The following TTC23 variants were observed in gnomAD, a reference collection of about 807,000 sequenced individuals.
TTC23 encodes the protein tetratricopeptide repeat protein 23.
Under a neutral mutation model 55.1 loss-of-function variants are expected in TTC23, and 58 were observed. The ratio of observed to expected loss-of-function variants is 1.05; its 90% CI spans 0.85 to 1.31. The LOEUF is 1.31. Ranked by LOEUF, TTC23 falls within the 50% of genes most tolerant of loss-of-function variation. TTC23 has a pLI of 0.00. For synonymous variants in TTC23, 203 were observed against 199.9 expected (o/e 1.02, Z -0.13); for missense variants, 516 against 534.4 (o/e 0.97, Z 0.34).
intron 8 of TTC23, among the ~76,000 whole-genome samples, chr15:99,216,708 T>G (rs1232488659): frequency 1.3e-5 from 2 of 152,178 alleles, no homozygotes; most frequent in East Asian, 3.8e-4. Context: ...TTGGCAAAGA[T>G]TAACAAAGTC....
chr15:99,153,793 T>C (rs1555498042), intron 12 of TTC23, among the ~76,000 whole-genome samples: 1 of 152,078 alleles, frequency 6.6e-6, no homozygotes, highest in Non-Finnish European at 1.5e-5. Context: ...GAGAATAGGA[T>C]TTATGGGATT....
chr15:99,244,655 C>T (rs1350120094), intron 2 of TTC23, among the ~76,000 whole-genome samples: 1 of 152,066 alleles, frequency 6.6e-6, no homozygotes, highest in African/African-American at 2.4e-5. Flanking sequence ...AATACATGGA[C>T]ATTCCATGTT....
chr15:99,137,385 C>T lies in TTC23; in HGVS notation c.*625G>A, dbSNP rs556314298. The T allele has an allele frequency of 6.6e-6, 1 of 152,402 alleles. No homozygotes were observed. Among genetic ancestry groups the T allele is most frequent in the South Asian group, 2.1e-4 (1 of 4,830 alleles). The allele number at this position is 152,402 out of a possible 1,614,324, so 9.4% of individuals were successfully genotyped here. On this transcript the variant is annotated 3_prime_UTR_variant, in exon 14 of 14. Transcript: ENST00000394132. ...CCCCCGCAGCCTCCGGCTAGCCTTT[C>T]TTTTCACTCCCTTACACCTGCCTCC...
chr15:99,155,562 G>A (rs991584119), intron 12 of TTC23: 4 of 152,238 alleles, frequency 2.6e-5, no homozygotes, highest in Non-Finnish European at 5.9e-5. Flanking sequence ...TAAAATCTCT[G>A]TAATTAAAAC....
At chr15:99,199,880 G>A in intron 9 of TTC23, 39 bp downstream of exon 9, 2 of 1,572,486 alleles carry the variant, frequency 1.3e-6, no homozygotes, top group Non-Finnish European at 1.7e-6. Flanking sequence ...AAAGCATTGG[G>A]CCTAGAACAG....
intron 10 of TTC23, among the ~76,000 whole-genome samples, chr15:99,167,321 A>G (rs370633841): frequency 3.9e-5 from 6 of 152,262 alleles, no homozygotes; most frequent in East Asian, 3.9e-4. Context: ...ACCTTTGAAA[A>G]CCACTTCTAG....
At chr15:99,200,931 G>T (rs1338142967) in intron 8 of TTC23, among the ~76,000 whole-genome samples, 1 of 152,168 alleles carries the variant, frequency 6.6e-6, no homozygotes, top group Non-Finnish European at 1.5e-5. Flanking sequence ...TGACACAGAA[G>T]TTTACCCATT....
intron 8 of TTC23, among the ~76,000 whole-genome samples, chr15:99,211,977 G>A (rs2152027327): frequency 6.6e-6 from 1 of 152,308 alleles, no homozygotes; most frequent in African/African-American, 2.4e-5. Context: ...ACAGGCATGA[G>A]CCATCATGCC....
Position 99,183,244 on chromosome 15 carries a change from T to C in TTC23, c.760-8089A>G, listed in dbSNP as rs577218719. Among the ~76,000 whole-genome samples the C allele has an allele frequency of 1.2e-4, 18 of 152,302 alleles. No homozygotes were observed. The South Asian group carries it at 2.9e-3, about 25-fold the overall frequency. On this transcript the variant is annotated intron_variant, in intron 9 of 13. Transcript: ENST00000394132. Reference sequence around the variant, plus strand: ...CTTTAGCAAAGAGACTGGTGGCTTTTTGGCCCTACCCTAGATCTGTGGAAC... The same window carrying C: ...CTTTAGCAAAGAGACTGGTGGCTTTCTGGCCCTACCCTAGATCTGTGGAAC...
Position 99,218,909 on chromosome 15 carries a change from G to A in TTC23, c.444C>T (p.Leu148=), listed in dbSNP as rs770914819. Residue 148 remains leucine, a synonymous_variant, in exon 7 of 14, where the codon CTC becomes CTT. Coordinates refer to ENST00000394132, the MANE Select transcript of TTC23 (RefSeq NM_001288615.3). ...ELFHTMGRAL[L]SLQKFKEAAE... ...AGGCAAAAGGATACTTTTGAAGGGA[G>A]AGTAAAGCTCTGCCCATGGTATGGA... 1 of 1,613,646 alleles carries A rather than the reference G, an allele frequency of 6.2e-7. No homozygotes were observed. The highest frequency in any genetic ancestry group is 2.2e-5 in the East Asian group (1 of 44,872).
chr15:99,161,840 C>T lies in TTC23; in HGVS notation c.893G>A (p.Ser298Asn). 1 of 1,611,356 alleles carries T rather than the reference C, an allele frequency of 6.2e-7. No individual in the cohort carries two copies. The highest frequency in any genetic ancestry group is 1.1e-5 in the South Asian group (1 of 90,354). Residue 298 changes from serine to asparagine, a missense_variant, in exon 11 of 14, where the codon AGC (serine) becomes AAC (asparagine). Transcript: ENST00000394132. ...TTCAGAATCCTTAAGATGAGCCATGCTCTCTTGAAAATACTGCTCAGCTAC... is the reference window on the plus strand; with the variant it reads ...TTCAGAATCCTTAAGATGAGCCATGTTCTCTTGAAAATACTGCTCAGCTAC... ...HDVAEQYFQESMAHLKDSEGM... is the reference protein window; with the variant it reads ...HDVAEQYFQENMAHLKDSEGM...
chr15:99,172,118 A>G (rs568572857), intron 10 of TTC23, among the ~76,000 whole-genome samples: 4 of 151,568 alleles, frequency 2.6e-5, no homozygotes, highest in African/African-American at 9.7e-5. Flanking sequence ...CCCAGGTTCA[A>G]GTGACTCTCA....
chr15:99,150,565 AT>A (rs2069577856), intron 12 of TTC23, among the ~76,000 whole-genome samples: 1 of 152,230 alleles, frequency 6.6e-6, no homozygotes, highest in Admixed American at 6.5e-5. Context: ...TAATAAGCAC[AT>A]TTTTTGGGGC....
intron 4 of TTC23, 114 bp from the exon 5 acceptor site, chr15:99,228,846 C>T: frequency 1.2e-6 from 1 of 850,462 alleles, no homozygotes. Context: ...GCATTATATC[C>T]CAAAAGATTA....
intron 12 of TTC23, among the ~76,000 whole-genome samples, chr15:99,148,309 C>T (rs527813914): frequency 1.5e-5 from 2 of 130,814 alleles, no homozygotes; most frequent in African/African-American, 6.0e-5. Context: ...TGCAGTGAGC[C>T]GAGATCGCGA....
rs747105383 is a variant in TTC23 at position 99,197,189 on chromosome 15, G to A, written c.759+2730C>T. 2.7e-5 allele frequency among the ~76,000 whole-genome samples: 4 copies of A among 150,304 alleles called. No homozygotes were observed. In the East Asian group the frequency reaches 8.0e-4, roughly 30 times the overall value. ...GCGATCTCAGCTCACTGCAAGCTCC[G>A]CCTCCCAGGCTCACGCCATTCTCCT... On this transcript the variant is annotated intron_variant, in intron 9 of 13. Transcript: ENST00000394132.
At chr15:99,225,405 T>C (rs887536215) in intron 5 of TTC23, among the ~76,000 whole-genome samples, 3 of 152,042 alleles carry the variant, frequency 2.0e-5, no homozygotes, top group African/African-American at 7.2e-5. Context: ...AGTTTAAAGA[T>C]GAAGGAGTCT....
At chr15:99,161,376 T>A (rs764305595) in intron 11 of TTC23, among the ~76,000 whole-genome samples, 1 of 152,176 alleles carries the variant, frequency 6.6e-6, no homozygotes, top group African/African-American at 2.4e-5. Context: ...ACCGTATAGT[T>A]TTCCTTAGAC....
chr15:99,183,429 C>A (rs937938716), intron 9 of TTC23, among the ~76,000 whole-genome samples: 7 of 150,422 alleles, frequency 4.7e-5, no homozygotes, highest in Admixed American at 1.3e-4. Flanking sequence ...TCAAGCGATT[C>A]TCCTGCCTCA....
Sources: allele counts gnomAD v4.1 joint callset (sites outside exome capture counted in the v4.1 genomes callset), GRCh38; gene constraint gnomAD v4.1.1; transcripts MANE v1.5; gene names NCBI Gene and HGNC (gene_info 2026-07-23, HGNC 2026-07-21).